PKP2: variants seen among roughly 807,000 people sequenced by gnomAD.
The protein encoded by PKP2 is plakophilin-2.
Under a neutral mutation model 83.4 loss-of-function variants are expected in PKP2, and 73 were observed. The observed-to-expected ratio is 0.88, with a 90% CI of 0.72 to 1.06. The LOEUF (loss-of-function observed/expected upper bound fraction) is 1.06. Ranked by LOEUF, PKP2 falls within the 50% of genes least tolerant of loss-of-function variation. PKP2 has a pLI of 0.00. For missense variants in PKP2, 966 were observed against 1,065.4 expected (o/e 0.91, Z 1.30); for synonymous variants, 409 against 430.4 (o/e 0.95, Z 0.62).
At position 32,878,042 on chromosome 12, in the gene PKP2, C is replaced by T. The variant is rs748148237; in HGVS notation, c.838G>A (p.Val280Ile). The T allele has an allele frequency of 2.8e-5, 45 of 1,613,822 alleles. No homozygotes were observed. Among genetic ancestry groups the T allele is most frequent in the South Asian group, 9.9e-5 (9 of 91,076 alleles). The part of the protein sequence containing the change: ...QVRPLVPLQP[V>I]TQNRASRSSW... ...GACCTGGAAGCCCTGTTCTGAGTGACGGGCTGCAGGGGCACCAGCGGCCTG... is the reference window on the plus strand; with the variant it reads ...GACCTGGAAGCCCTGTTCTGAGTGATGGGCTGCAGGGGCACCAGCGGCCTG... Residue 280 changes from valine to isoleucine, a missense_variant, in exon 3 of 13, where the codon GTC becomes ATC. Coordinates refer to ENST00000340811, the MANE Select transcript of PKP2 (RefSeq NM_001005242.3).
At chr12:32,828,917 A>G (rs910963680) in intron 6 of PKP2, among the ~76,000 whole-genome samples, 5 of 149,302 alleles carry the variant, frequency 3.3e-5, no homozygotes, top group Admixed American at 2.6e-4. Context: ...AAATAACTTT[A>G]GGAGGCAGAA....
chr12:32,829,142 G>A (rs2137798828), intron 6 of PKP2, among the ~76,000 whole-genome samples: 1 of 152,228 alleles, frequency 6.6e-6, no homozygotes, highest in South Asian at 2.1e-4. Flanking sequence ...TGCCCAGGCT[G>A]GTCTTGAACT....
chr12:32,819,070 G>T (rs926750908), intron 9 of PKP2, among the ~76,000 whole-genome samples: 1 of 152,176 alleles, frequency 6.6e-6, no homozygotes, highest in Middle Eastern at 3.4e-3. Flanking sequence ...CTGAGGTGAG[G>T]AGTTTGAGAC....
intron 4 of PKP2, among the ~76,000 whole-genome samples, chr12:32,865,144 G>A (rs1956835222): frequency 6.6e-6 from 1 of 152,120 alleles, no homozygotes; most frequent in Admixed American, 6.6e-5. Context: ...GGAGGCTGAG[G>A]TGAGTGGATC....
At chr12:32,844,606 T>C (rs1045854986) in intron 5 of PKP2, among the ~76,000 whole-genome samples, 2 of 152,220 alleles carry the variant, frequency 1.3e-5, no homozygotes, top group Non-Finnish European at 1.5e-5. Context: ...ACTGAAAGTA[T>C]AAACTTCTAA....
At chr12:32,875,865 G>A (rs575815941) in intron 3 of PKP2, among the ~76,000 whole-genome samples, 29 of 152,268 alleles carry the variant, frequency 1.9e-4, no homozygotes, top group Admixed American at 1.0e-3. Context: ...GAAATTTCCA[G>A]GAGGTTGTTA....
At chr12:32,802,724 T>C (rs1440422785) in intron 9 of PKP2, among the ~76,000 whole-genome samples, 168 bp from the exon 10 acceptor site, 2 of 152,262 alleles carry the variant, frequency 1.3e-5, no homozygotes, top group South Asian at 2.1e-4. Flanking sequence ...AGTGGTGTGA[T>C]CTCAGCTCAC....
rs151311537 is a variant in PKP2, at chr12:32,870,911, T to C, written c.1035-1849A>G. On this transcript the variant is annotated intron_variant, in intron 3 of 12. Transcript: ENST00000340811. ...TTTATTTTCCTGAACATGATTCACATAGAAGCTCTGTGTTCACACTTAGGC... is the reference window on the plus strand; with the variant it reads ...TTTATTTTCCTGAACATGATTCACACAGAAGCTCTGTGTTCACACTTAGGC... Among the ~76,000 whole-genome samples, 802 of 152,286 alleles carry C rather than the reference T, an allele frequency of 5.3e-3. 9 individuals are homozygous for C. Among genetic ancestry groups the C allele is most frequent in the African/African-American group, 0.018 (750 of 41,556 alleles).
intron 6 of PKP2, among the ~76,000 whole-genome samples, chr12:32,837,873 C>A (rs999372920): frequency 5.9e-5 from 9 of 152,264 alleles, no homozygotes; most frequent in East Asian, 3.9e-4. Context: ...ATTATCATAT[C>A]TCTGTCCTCC....
chr12:32,797,220 A>T (rs1273946792), intron 10 of PKP2, among the ~76,000 whole-genome samples: 1 of 152,002 alleles, frequency 6.6e-6, no homozygotes, highest in African/African-American at 2.4e-5. Flanking sequence ...TGGGTGGATC[A>T]CTTAAGGTCA....
At chr12:32,808,505 A>G (rs1216252144) in intron 9 of PKP2, among the ~76,000 whole-genome samples, 1 of 152,006 alleles carries the variant, frequency 6.6e-6, no homozygotes, top group Non-Finnish European at 1.5e-5. Flanking sequence ...GTTATTTCCC[A>G]CCTTCTGAAG....
chr12:32,858,134 T>A (rs796096995), intron 4 of PKP2, among the ~76,000 whole-genome samples: 90 of 93,764 alleles, frequency 9.6e-4, no homozygotes, highest in South Asian at 8.5e-3. Flanking sequence ...TATTTTATAT[T>A]TATATATATA....
intron 4 of PKP2, among the ~76,000 whole-genome samples, chr12:32,852,821 T>A (rs755447020): frequency 6.6e-6 from 1 of 152,066 alleles, no homozygotes; most frequent in Non-Finnish European, 1.5e-5. Context: ...CGGTGGCTTA[T>A]GCCTGTAATC....
intron 4 of PKP2, 145 bp from the exon 5 acceptor site, chr12:32,851,118 G>A (rs1453626627): frequency 1.4e-5 from 10 of 711,370 alleles, no homozygotes; most frequent in Non-Finnish European, 2.0e-5. Flanking sequence ...TGAGGCTCTT[G>A]TAGAATATAC....
At chr12:32,871,324 C>T (rs778140324) in intron 3 of PKP2, among the ~76,000 whole-genome samples, 1 of 152,006 alleles carries the variant, frequency 6.6e-6, no homozygotes, top group African/African-American at 2.4e-5. Flanking sequence ...GAGAGACAGT[C>T]CTATTCTGTT....
At chr12:32,814,525 T>C (rs932967565) in intron 9 of PKP2, among the ~76,000 whole-genome samples, 4 of 152,164 alleles carry the variant, frequency 2.6e-5, no homozygotes, top group African/African-American at 9.7e-5. Flanking sequence ...CATCAAGAAC[T>C]TTAGTTCCTT....
rs1591835933 is a variant in PKP2 at position 32,896,493 on chromosome 12, G to T, written c.223+16C>A. 2 of 1,464,348 alleles carry T rather than the reference G, an allele frequency of 1.4e-6. No individual in the cohort carries two copies. Among genetic ancestry groups the T allele is most frequent in the Non-Finnish European group, 1.8e-6 (2 of 1,106,072 alleles). The allele number at this position is 1,464,348 out of a possible 1,614,324, so 90.7% of individuals were successfully genotyped here. ...GGGGCAGGGGGCGGCGCCGGGGAGC[G>T]GCGGGCTCCACTCACCGTTGCCCAC... On this transcript the variant is annotated intron_variant, in intron 1 of 12. Transcript: ENST00000340811.
intron 4 of PKP2, among the ~76,000 whole-genome samples, chr12:32,853,514 T>A (rs1956719382): frequency 6.6e-6 from 1 of 151,052 alleles, no homozygotes; most frequent in South Asian, 2.1e-4. Context: ...CATACTTTTT[T>A]TTTTTTTTTT....
rs946054379 is a variant in PKP2 at position 32,821,270 on chromosome 12, C to T, written c.2013+86G>A. The T allele has an allele frequency of 4.5e-5, 54 of 1,202,898 alleles. No individual in the cohort carries two copies. In the South Asian group the frequency reaches 4.9e-4, roughly 11 times the overall value. 74.5% of individuals were successfully genotyped at this position (1,202,898 alleles called of 1,614,324 possible). Reference sequence around the variant, plus strand: ...CTAAAATAAGAAACCTTTTTCTCTTCCCTCACTGTTTCATCTCTGAATTGA... The same window carrying T: ...CTAAAATAAGAAACCTTTTTCTCTTTCCTCACTGTTTCATCTCTGAATTGA... On this transcript the variant is annotated intron_variant, in intron 9 of 12. Transcript: ENST00000340811.
Sources: gnomAD v4.1 joint callset for allele counts (sites outside exome capture counted in the v4.1 genomes callset) on GRCh38, gnomAD v4.1.1 for gene constraint, MANE v1.5 for transcripts, NCBI Gene and HGNC (gene_info 2026-07-23, HGNC 2026-07-21) for gene names.